The following TENM3 variants were observed in gnomAD, a reference collection of about 807,000 sequenced individuals.
The protein encoded by TENM3 is teneurin-3.
In TENM3, 63 loss-of-function variants were observed where a neutral mutation model predicts 255.1. The observed-to-expected ratio is 0.25, with a 90% confidence interval of 0.20 to 0.30. TENM3 has a LOEUF of 0.30. Among genes scored for constraint, TENM3 ranks in the 10% least tolerant of loss-of-function variants. The pLI is 1.00. For synonymous variants in TENM3, 1,306 were observed against 1,322.3 expected, an observed-to-expected ratio of 0.99 and a Z score of 0.27; for missense variants, 2,929 against 3,461.1, an observed-to-expected ratio of 0.85 and a Z score of 3.86.
At chr4:181,527,315 T>G in the TENM3 span, among the ~76,000 whole-genome samples, 4 of 152,306 alleles carry the variant, frequency 2.6e-5, no homozygotes, top group South Asian at 8.3e-4. Context: ...CATAATGAGC[T>G]AAAAAGTTGA....
At chr4:182,679,246 G>A (rs891663739) in intron 7 of TENM3, among the ~76,000 whole-genome samples, 1 of 152,064 alleles carries the variant, frequency 6.6e-6, no homozygotes, top group Non-Finnish European at 1.5e-5. Context: ...GATACCAGAG[G>A]CCGGGAGGGC....
chr4:181,587,941 G>A, the TENM3 span, among the ~76,000 whole-genome samples: 6 of 152,150 alleles, frequency 3.9e-5, no homozygotes, highest in Non-Finnish European at 2.9e-5. Context: ...GGGGTAAGGA[G>A]CAGTTCTTAG....
At chr4:182,338,932 G>A (rs1392512064) in intron 2 of TENM3, among the ~76,000 whole-genome samples, 1 of 152,064 alleles carries the variant, frequency 6.6e-6, no homozygotes, top group Non-Finnish European at 1.5e-5. Flanking sequence ...TGAATAATGG[G>A]AACTGATCCG....
chr4:182,480,685 G>T (rs1206464639), intron 3 of TENM3, among the ~76,000 whole-genome samples: 1 of 151,938 alleles, frequency 6.6e-6, no homozygotes, highest in African/African-American at 2.4e-5. Context: ...ACAATTGGTT[G>T]TATCATTTTA....
chr4:181,815,296 C>T, the TENM3 span, among the ~76,000 whole-genome samples: 1 of 123,172 alleles, frequency 8.1e-6, no homozygotes, highest in Non-Finnish European at 1.8e-5. Flanking sequence ...TACAAAAATA[C>T]AAAAAAAAAA....
At chr4:182,382,342 AT>A (rs1767628564) in intron 3 of TENM3, among the ~76,000 whole-genome samples, 1 of 131,810 alleles carries the variant, frequency 7.6e-6, no homozygotes, top group African/African-American at 2.9e-5. Flanking sequence ...TTTGATTGAT[AT>A]TTTTGCACCA....
chr4:181,760,360 A>T, the TENM3 span, among the ~76,000 whole-genome samples: 1 of 152,166 alleles, frequency 6.6e-6, no homozygotes, highest in African/African-American at 2.4e-5. Context: ...TATTGTTTTT[A>T]AACTGCTAAT....
At chr4:182,475,510 G>GT (rs754606187) in intron 3 of TENM3, among the ~76,000 whole-genome samples, 19 of 152,002 alleles carry the variant, frequency 1.2e-4, no homozygotes, top group Non-Finnish European at 2.2e-4. Context: ...ACGGGGGTGT[G>GT]TTTTTATATG....
chr4:182,166,635 T>C (rs1041772180), intron 1 of TENM3, among the ~76,000 whole-genome samples: 3 of 152,172 alleles, frequency 2.0e-5, no homozygotes, highest in Non-Finnish European at 4.4e-5. Context: ...TTCTCTTTTC[T>C]TTTCTTTTTC....
chr4:181,547,808 T>A, the TENM3 span, among the ~76,000 whole-genome samples: 7 of 152,172 alleles, frequency 4.6e-5, no homozygotes, highest in African/African-American at 1.4e-4. Flanking sequence ...TTATTTATTT[T>A]TTCTTTTTTT....
intron 1 of TENM3, among the ~76,000 whole-genome samples, chr4:182,260,762 C>T (rs1310605353): frequency 2.6e-5 from 4 of 152,176 alleles, no homozygotes; most frequent in Non-Finnish European, 5.9e-5. Flanking sequence ...AATCAACATA[C>T]TGAACTCATA....
At chr4:181,544,408 TAAA>T in the TENM3 span, among the ~76,000 whole-genome samples, 1,353 of 68,570 alleles carry the variant, frequency 0.02, 41 homozygotes, top group African/African-American at 0.065. Flanking sequence ...CCTTCAGGAT[TAAA>T]AAAAAAAAAA....
the TENM3 span, among the ~76,000 whole-genome samples, chr4:181,646,043 C>T: frequency 6.6e-5 from 10 of 152,148 alleles, no homozygotes; most frequent in African/African-American, 2.2e-4. Flanking sequence ...ACTATGGACA[C>T]GCACATTTGT....
At chr4:181,470,366 G>A in the TENM3 span, among the ~76,000 whole-genome samples, 1 of 152,098 alleles carries the variant, frequency 6.6e-6, no homozygotes, top group Admixed American at 6.5e-5. Flanking sequence ...CAAAACGTAT[G>A]TATAACTGGA....
chr4:182,042,415 G>C, the TENM3 span, among the ~76,000 whole-genome samples: 1 of 152,086 alleles, frequency 6.6e-6, no homozygotes, highest in African/African-American at 2.4e-5. Flanking sequence ...TCTGCTAAGT[G>C]TCCCCCTCAG....
chr4:181,928,099 C>A, the TENM3 span, among the ~76,000 whole-genome samples: 1 of 152,010 alleles, frequency 6.6e-6, no homozygotes, highest in African/African-American at 2.4e-5. Context: ...GCTGAAAATT[C>A]AAAAAACCAG....
chr4:182,255,393 T>C (rs1015660846), intron 1 of TENM3, among the ~76,000 whole-genome samples: 2 of 152,200 alleles, frequency 1.3e-5, no homozygotes, highest in Non-Finnish European at 2.9e-5. Flanking sequence ...GAGGTTCTTA[T>C]TGTAAGGTAA....
the TENM3 span, among the ~76,000 whole-genome samples, chr4:181,616,048 T>TCC: frequency 2.6e-5 from 4 of 151,608 alleles, no homozygotes; most frequent in East Asian, 5.8e-4. Flanking sequence ...AGAACATGTT[T>TCC]CCCCCCCACA....
chr4:181,623,293 A>G, the TENM3 span, among the ~76,000 whole-genome samples: 1 of 152,196 alleles, frequency 6.6e-6, no homozygotes, highest in East Asian at 1.9e-4. Flanking sequence ...TCATGATATG[A>G]TTAAGTGAAT....
Sources: gnomAD v4.1 joint callset for allele counts (sites outside exome capture counted in the v4.1 genomes callset) on GRCh38, gnomAD v4.1.1 for gene constraint, MANE v1.5 for transcripts, NCBI Gene and HGNC (gene_info 2026-07-23, HGNC 2026-07-21) for gene names.